Variants in BANK1 observed in about 807,000 individuals in gnomAD.
BANK1 encodes B cell scaffold protein with ankyrin repeats 1, also known as B-cell scaffold protein with ankyrin repeats.
BANK1 carries 95 observed loss-of-function variants against 94.5 expected under a neutral mutation model. That is an observed-to-expected ratio of 1.00 (90% CI 0.85 to 1.19). The LOEUF (loss-of-function observed/expected upper bound fraction) is 1.19. Among genes scored for constraint, BANK1 ranks in the 50% most tolerant of loss-of-function variants. The probability of loss-of-function intolerance (pLI) is 0.00; values close to 1 mark genes in which losing one functional copy is unlikely to be tolerated. For missense variants in BANK1, 987 were observed against 932.2 expected, an observed-to-expected ratio of 1.06 and a Z score of -0.77; for synonymous variants, 334 against 308.4, an observed-to-expected ratio of 1.08 and a Z score of -0.87.
At chr4:101,824,577 GTGTAA>G (rs1726293205) in intron 1 of BANK1, among the ~76,000 whole-genome samples, 2 of 152,022 alleles carry the variant, frequency 1.3e-5, no homozygotes, top group African/African-American at 4.8e-5. Context: ...TATACTTACT[GTGTAA>G]TGTAAGTAAT....
At chr4:101,879,490 G>T (rs1254436157) in intron 5 of BANK1, among the ~76,000 whole-genome samples, 1 of 151,988 alleles carries the variant, frequency 6.6e-6, no homozygotes, top group African/African-American at 2.4e-5. Context: ...TGACTCAGTG[G>T]CTTCACAGCT....
rs1030337272 is a variant in BANK1 at position 101,882,166 on chromosome 4, C to T, written c.903+11522C>T. On this transcript the variant is annotated intron_variant, in intron 5 of 16. Transcript: ENST00000322953. ...ATTATTACACGTTGTATGCCTGTAT[C>T]AAAACATCTCATGTCCCCCATAAAT... is the stretch of plus-strand genomic sequence containing the variant. Among the ~76,000 whole-genome samples the T allele has an allele frequency of 3.9e-5, 6 of 152,094 alleles. No homozygotes were observed. In the East Asian group the frequency reaches 7.7e-4, roughly 20 times the overall value.
At chr4:102,073,147 A>C (rs1480561630) in intron 15 of BANK1, among the ~76,000 whole-genome samples, 1 of 151,888 alleles carries the variant, frequency 6.6e-6, no homozygotes, top group African/African-American at 2.4e-5. Flanking sequence ...AAGTAATCAT[A>C]AAAATCATTC....
chr4:101,860,730 C>T (rs902576361), intron 3 of BANK1, among the ~76,000 whole-genome samples: 1 of 152,092 alleles, frequency 6.6e-6, no homozygotes, highest in African/African-American at 2.4e-5. Context: ...CGCACCCGGC[C>T]CTGAGTGAGG....
At chr4:101,820,485 A>G (rs1726101015) in intron 1 of BANK1, among the ~76,000 whole-genome samples, 1 of 152,028 alleles carries the variant, frequency 6.6e-6, no homozygotes, top group Non-Finnish European at 1.5e-5. Flanking sequence ...AAAAACTTTT[A>G]TTTTAGTTTA....
chr4:101,812,726 T>C (rs182735011), intron 1 of BANK1, among the ~76,000 whole-genome samples: 2 of 152,182 alleles, frequency 1.3e-5, no homozygotes, highest in Non-Finnish European at 1.5e-5. Context: ...CTAGATATTA[T>C]TATATTGCAT....
At position 102,017,282 on chromosome 4, in the gene BANK1, TAAAGG is replaced by T. The variant is rs1726737153; in HGVS notation, c.1207-4231_1207-4227del. Among the ~76,000 whole-genome samples, 4 of 152,308 alleles carry T rather than the reference TAAAGG, an allele frequency of 2.6e-5. No individual in the cohort carries two copies. The South Asian group carries it at 8.3e-4, about 32-fold the overall frequency. ...AGATGGTCAGAGGCATTTGGCCCAA[TAAAGG>T]TGCTGACACCTCACAGATACAGCCA... On this transcript the variant is annotated intron_variant, in intron 7 of 16. Coordinates refer to ENST00000322953, the MANE Select transcript of BANK1 (RefSeq NM_017935.5).
rs1237389028 is a variant in BANK1, at chr4:101,940,944, G to A, written c.1206+22755G>A. Among the ~76,000 whole-genome samples the A allele has an allele frequency of 5.3e-5, 8 of 151,770 alleles. No homozygotes were observed. The East Asian group carries it at 1.4e-3, about 26-fold the overall frequency. On this transcript the variant is annotated intron_variant, in intron 7 of 16. Transcript: ENST00000322953. ...AGCACAATCCACACTTAGGGAGTGG[G>A]GGTTTATGCTCCACCTCCTTGAGGA...
intron 1 of BANK1, among the ~76,000 whole-genome samples, chr4:101,825,533 A>C (rs944941530): frequency 6.6e-6 from 1 of 152,134 alleles, no homozygotes; most frequent in Non-Finnish European, 1.5e-5. Context: ...CATAAAGATC[A>C]ACAACTATCT....
chr4:101,832,450 T>G (rs1726657654), intron 2 of BANK1, among the ~76,000 whole-genome samples: 1 of 152,206 alleles, frequency 6.6e-6, no homozygotes, highest in Non-Finnish European at 1.5e-5. Flanking sequence ...TAGTCTGCAC[T>G]GCACTCTACA....
intron 6 of BANK1, among the ~76,000 whole-genome samples, chr4:101,913,208 T>A (rs1240952416): frequency 1.3e-5 from 2 of 151,726 alleles, no homozygotes; most frequent in African/African-American, 4.9e-5. Context: ...TCAAAAGGAA[T>A]TTTTTTTAAT....
intron 7 of BANK1, among the ~76,000 whole-genome samples, chr4:102,020,568 A>T (rs900999474): frequency 6.6e-6 from 1 of 152,226 alleles, no homozygotes; most frequent in South Asian, 2.1e-4. Flanking sequence ...CTTTGGCCAA[A>T]GTGGGTGATA....
intron 7 of BANK1, among the ~76,000 whole-genome samples, chr4:101,933,231 G>A (rs1167047629): frequency 1.3e-5 from 2 of 149,858 alleles, no homozygotes; most frequent in African/African-American, 4.9e-5. Context: ...GAAACTAGTG[G>A]AAATAAGATT....
intron 4 of BANK1, 71 bp downstream of exon 4, chr4:101,862,735 G>T: frequency 2.9e-6 from 4 of 1,396,294 alleles, no homozygotes; most frequent in South Asian, 1.7e-5. Context: ...TATAATAAAT[G>T]GTTTCACTTC....
intron 1 of BANK1, among the ~76,000 whole-genome samples, chr4:101,827,647 ATTT>A (rs1244523131): frequency 1.3e-5 from 2 of 151,606 alleles, no homozygotes; most frequent in Admixed American, 1.3e-4. Context: ...AGTTTTTTTA[ATTT>A]CTGTTTACTT....
In BANK1 at chr4:101,989,431, CAAAAAAAAAAA is replaced by C. The variant is rs899065744; in HGVS notation, c.1207-32071_1207-32061del. Among the ~76,000 whole-genome samples the C allele has an allele frequency of 8.4e-4, 26 of 31,102 alleles. No individual in the cohort carries two copies. In the East Asian group the frequency reaches 9.1e-3, roughly 11 times the overall value. The allele number at this position is 31,102 out of a possible 152,430, so 20.4% of individuals were successfully genotyped here. Reference sequence around the variant, plus strand: ...GGGGTACAAGAGCAAGACTCCGTCTCAAAAAAAAAAAAAAAAAAAAAAGCTTTTCTTGAATT... The same window carrying C: ...GGGGTACAAGAGCAAGACTCCGTCTCAAAAAAAAAAAGCTTTTCTTGAATT... On this transcript the variant is annotated intron_variant, in intron 7 of 16. Transcript: ENST00000322953.
At chr4:102,014,201 C>T (rs935155504) in intron 7 of BANK1, among the ~76,000 whole-genome samples, 3 of 152,066 alleles carry the variant, frequency 2.0e-5, no homozygotes, top group African/African-American at 7.2e-5. Context: ...ACGTCTAATA[C>T]TCCACAACTA....
At chr4:101,839,283 T>G (rs533386535) in intron 2 of BANK1, among the ~76,000 whole-genome samples, 1 of 152,268 alleles carries the variant, frequency 6.6e-6, no homozygotes, top group South Asian at 2.1e-4. Flanking sequence ...AATTACATGG[T>G]TTTTTTCAGG....
At chr4:101,987,004 A>G (rs1725529313) in intron 7 of BANK1, among the ~76,000 whole-genome samples, 1 of 147,876 alleles carries the variant, frequency 6.8e-6, no homozygotes. Context: ...AAGAAAAAAA[A>G]AAAGGAAAGA....
Sources: allele counts gnomAD v4.1 joint callset (sites outside exome capture counted in the v4.1 genomes callset), GRCh38; gene constraint gnomAD v4.1.1; transcripts MANE v1.5; gene names NCBI Gene and HGNC (gene_info 2026-07-23, HGNC 2026-07-21).